TRHR: variants seen among roughly 807,000 people sequenced by gnomAD.
The protein encoded by TRHR is thyrotropin-releasing hormone receptor.
TRHR carries 14 observed loss-of-function variants against 28.0 expected under a neutral mutation model. The ratio of observed to expected loss-of-function variants is 0.50; its 90% CI spans 0.33 to 0.78. The LOEUF (loss-of-function observed/expected upper bound fraction) is 0.78. Among genes scored for constraint, TRHR ranks in the 30% least tolerant of loss-of-function variants. TRHR has a pLI of 0.02. For synonymous variants in TRHR, 176 were observed against 171.9 expected (o/e 1.02, Z -0.18); for missense variants, 438 against 469.5 (o/e 0.93, Z 0.62).
At chr8:109,108,094 T>C (rs913976183) in intron 2 of TRHR, among the ~76,000 whole-genome samples, 1 of 152,130 alleles carries the variant, frequency 6.6e-6, no homozygotes, top group Non-Finnish European at 1.5e-5. Context: ...ACAGGCTGTC[T>C]CCCTCGGGAG....
Position 109,087,451 on chromosome 8 carries a change from G to A in TRHR, c.-62G>A. 1 of 1,578,640 alleles carries A rather than the reference G, an allele frequency of 6.3e-7. No individual in the cohort carries two copies. The highest frequency in any genetic ancestry group is 8.7e-7 in the Non-Finnish European group (1 of 1,152,438). ...GGGATGGAACTGCTGCAATAAAGGT[G>A]GGCGCTGGAAAGAAGATGTTTTGAG... On this transcript the variant is annotated 5_prime_UTR_variant, in exon 2 of 3. Transcript: ENST00000518632.
At chr8:109,110,841 T>A (rs999019104) in intron 2 of TRHR, among the ~76,000 whole-genome samples, 3 of 152,144 alleles carry the variant, frequency 2.0e-5, no homozygotes, top group Non-Finnish European at 4.4e-5. Flanking sequence ...GCACCCCACA[T>A]TGATTATAAC....
chr8:109,087,455 G>A lies in TRHR; in HGVS notation c.-58G>A, dbSNP rs1002058328. 49 of 1,589,060 alleles carry A rather than the reference G, an allele frequency of 3.1e-5. No individual in the cohort carries two copies. Among genetic ancestry groups the A allele is most frequent in the African/African-American group, 1.9e-4 (14 of 74,390 alleles). ...TGGAACTGCTGCAATAAAGGTGGGC[G>A]CTGGAAAGAAGATGTTTTGAGAAGT... On this transcript the variant is annotated 5_prime_UTR_variant, in exon 2 of 3. Coordinates refer to ENST00000518632, the MANE Select transcript of TRHR (RefSeq NM_003301.7).
Position 109,088,319 on chromosome 8 carries a change from T to C in TRHR, c.789+18T>C. The C allele has an allele frequency of 6.2e-7, 1 of 1,611,456 alleles. No homozygotes were observed. Among genetic ancestry groups the C allele is most frequent in the South Asian group, 1.1e-5 (1 of 90,700 alleles). ...GGAAGCAGGTAAGCAAAACTGAAAC[T>C]CCAAGTCAATAGAGGAAATGTGGGA... On this transcript the variant is annotated intron_variant, in intron 2 of 2. Coordinates refer to ENST00000518632, the MANE Select transcript of TRHR (RefSeq NM_003301.7).
At chr8:109,098,363 C>T (rs181296017) in intron 2 of TRHR, among the ~76,000 whole-genome samples, 79 of 152,042 alleles carry the variant, frequency 5.2e-4, no homozygotes, top group Non-Finnish European at 4.0e-4. Context: ...AACTCCTGGG[C>T]TCAAGGGATC....
chr8:109,101,706 T>C (rs1047487709), intron 2 of TRHR, among the ~76,000 whole-genome samples: 6 of 152,186 alleles, frequency 3.9e-5, no homozygotes, highest in Non-Finnish European at 7.3e-5. Context: ...CATGTTGTAC[T>C]TGAAGCGTCT....
chr8:109,098,999 G>T (rs972687504), intron 2 of TRHR, among the ~76,000 whole-genome samples: 2 of 152,158 alleles, frequency 1.3e-5, no homozygotes, highest in Non-Finnish European at 2.9e-5. Flanking sequence ...TGCCTCCATG[G>T]TGCCTAGGGA....
At position 109,119,418 on chromosome 8, in the gene TRHR, C is replaced by T. The variant is rs757802408; in HGVS notation, c.1160C>T (p.Thr387Ile). Residue 387 changes from threonine (T) to isoleucine (I), a missense_variant, in exon 3 of 3, where the codon ACC (threonine) becomes ATC (isoleucine). Coordinates refer to ENST00000518632, the MANE Select transcript of TRHR (RefSeq NM_003301.7). ...GCCACAAAAGTGTCTTTTGATGACA[C>T]CTGCTTGGCTTCTGAGGTATCCTTT... is the stretch of plus-strand genomic sequence containing the variant. ...LSATKVSFDDTCLASEVSFSQ... is the reference protein window; with the variant it reads ...LSATKVSFDDICLASEVSFSQ... 6.2e-7 allele frequency: 1 copy of T among 1,612,292 alleles called. No homozygotes were observed. Among genetic ancestry groups the T allele is most frequent in the Non-Finnish European group, 8.5e-7 (1 of 1,178,954 alleles).
chr8:109,096,910 T>C (rs1040998088), intron 2 of TRHR, among the ~76,000 whole-genome samples: 3 of 152,154 alleles, frequency 2.0e-5, no homozygotes, highest in African/African-American at 7.2e-5. Context: ...TCCTGAAAAA[T>C]TATCCTTACA....
intron 2 of TRHR, among the ~76,000 whole-genome samples, chr8:109,101,593 G>C (rs180912442): frequency 6.7e-6 from 1 of 149,172 alleles, no homozygotes; most frequent in Admixed American, 6.7e-5. Context: ...ATAAATGTTA[G>C]CTACTGTTAT....
At chr8:109,118,949 A>G (rs2129941441) in intron 2 of TRHR, 99 bp from the exon 3 acceptor site, 1 of 1,470,222 alleles carries the variant, frequency 6.8e-7, no homozygotes. Flanking sequence ...CTTGTCTCAG[A>G]CTACATTTTG....
Position 109,120,799 on chromosome 8 carries a change from CA to C in TRHR, c.*1346del, listed in dbSNP as rs1438455073. ...AATCTCTTACCTATTGAGATTTGGCCAACCAGAATCTCCGAGGGCAAAAATT... is the reference window on the plus strand; with the variant it reads ...AATCTCTTACCTATTGAGATTTGGCCACCAGAATCTCCGAGGGCAAAAATT... On this transcript the variant is annotated 3_prime_UTR_variant, in exon 3 of 3. Transcript: ENST00000518632. Among the ~76,000 whole-genome samples the C allele has an allele frequency of 6.6e-6, 1 of 151,620 alleles. No homozygotes were observed. The highest frequency in any genetic ancestry group is 2.0e-4 in the East Asian group (1 of 5,110).
chr8:109,118,488 T>C (rs1811952548), intron 2 of TRHR, among the ~76,000 whole-genome samples: 1 of 151,912 alleles, frequency 6.6e-6, no homozygotes, highest in African/African-American at 2.4e-5. Flanking sequence ...CTAAGTCTCC[T>C]AATGCTTGTC....
intron 2 of TRHR, 135 bp downstream of exon 2, chr8:109,088,436 TC>T: frequency 1.0e-6 from 1 of 959,088 alleles, no homozygotes; most frequent in Non-Finnish European, 1.6e-6. Flanking sequence ...AGTGTAAGCT[TC>T]TGCCTAACAT....
intron 2 of TRHR, among the ~76,000 whole-genome samples, chr8:109,101,556 T>C (rs1284896253): frequency 6.6e-6 from 1 of 152,120 alleles, no homozygotes; most frequent in Non-Finnish European, 1.5e-5. Context: ...ATACAGTACT[T>C]CTCACAGTGC....
At chr8:109,107,634 T>C (rs1017514160) in intron 2 of TRHR, among the ~76,000 whole-genome samples, 3 of 152,122 alleles carry the variant, frequency 2.0e-5, no homozygotes, top group Admixed American at 6.6e-5. Context: ...CTTAATCAAG[T>C]AGTGAAGAAG....
intron 2 of TRHR, among the ~76,000 whole-genome samples, chr8:109,097,122 T>C (rs1367867219): frequency 6.6e-6 from 1 of 152,210 alleles, no homozygotes; most frequent in East Asian, 1.9e-4. Flanking sequence ...GACTTCATTG[T>C]ACAAGAACCT....
chr8:109,103,447 C>T (rs7832552), intron 2 of TRHR, among the ~76,000 whole-genome samples: 45,440 of 151,962 alleles, frequency 0.3, 7,364 homozygotes, highest in East Asian at 0.47. Flanking sequence ...GTGTGAGGTA[C>T]GAATGCTCTT....
intron 2 of TRHR, among the ~76,000 whole-genome samples, chr8:109,090,422 G>C (rs1185764720): frequency 6.6e-6 from 1 of 152,162 alleles, no homozygotes; most frequent in Non-Finnish European, 1.5e-5. Context: ...TAAATAATTA[G>C]AGCATTTGGA....
Sources: allele counts gnomAD v4.1 joint callset (sites outside exome capture counted in the v4.1 genomes callset), GRCh38; gene constraint gnomAD v4.1.1; transcripts MANE v1.5; gene names NCBI Gene and HGNC (gene_info 2026-07-23, HGNC 2026-07-21).